The following RHEX variants were observed in gnomAD, a reference collection of about 807,000 sequenced individuals.
RHEX encodes the protein regulator of hemoglobinization and erythroid cell expansion protein.
A neutral mutation model predicts 20.1 loss-of-function variants in RHEX; 18 were observed. That is an observed-to-expected ratio of 0.90 (90% CI 0.62 to 1.33). The LOEUF (loss-of-function observed/expected upper bound fraction) is 1.33. Among genes scored for constraint, RHEX ranks in the 40% most tolerant of loss-of-function variants. The pLI is 0.00. For missense variants in RHEX, 192 were observed against 214.3 expected (o/e 0.90, Z 0.65); for synonymous variants, 87 against 77.1 (o/e 1.13, Z -0.67).
chr1:206,069,975 A>G (rs1434581093), intron 1 of RHEX, among the ~76,000 whole-genome samples: 2 of 152,102 alleles, frequency 1.3e-5, no homozygotes, highest in Non-Finnish European at 2.9e-5. Context: ...ATAACCACAT[A>G]TATGTATAAA....
chr1:206,101,665 T>C, intron 5 of RHEX, 87 bp from the exon 6 acceptor site: 3 of 1,046,080 alleles, frequency 2.9e-6, no homozygotes, highest in Non-Finnish European at 4.3e-6. Flanking sequence ...TGGGCGAATC[T>C]TGTTGAGTAA....
intron 1 of RHEX, among the ~76,000 whole-genome samples, chr1:206,055,229 T>G (rs1287003768): frequency 6.6e-6 from 1 of 152,274 alleles, no homozygotes; most frequent in Admixed American, 6.5e-5. Flanking sequence ...CTCCCAACAC[T>G]AAGTTCACTT....
intron 1 of RHEX, chr1:206,061,503 T>C (rs1662310638): frequency 6.6e-6 from 1 of 152,254 alleles, no homozygotes; most frequent in Non-Finnish European, 1.5e-5. Context: ...GGGGGGCAGA[T>C]CTGGAGGAAA....
In RHEX at chr1:206,094,169, G is replaced by GGGGTGTGTGTGT. The variant is rs1200017719; in HGVS notation, c.-96-3563_-96-3562insGGTGTGTGTGTG. ...TAAATTGCCCATTTCCTGGTTATTT[G>GGGGTGTGTGTGT]GTGTGTGTGTGTGTGTGTGTGTGTG... On this transcript the variant is annotated intron_variant, in intron 1 of 5. Transcript: ENST00000331555. 6.7e-5 allele frequency among the ~76,000 whole-genome samples: 10 copies of GGGGTGTGTGTGT among 148,682 alleles called. No homozygotes were observed. The East Asian group carries it at 2.0e-3, about 30-fold the overall frequency.
At chr1:206,091,091 T>C (rs1002449773) in intron 1 of RHEX, among the ~76,000 whole-genome samples, 3 of 152,250 alleles carry the variant, frequency 2.0e-5, no homozygotes, top group African/African-American at 4.8e-5. Flanking sequence ...CAAAGGCTGA[T>C]GAACTGTTTT....
In RHEX at chr1:206,102,040, G is replaced by A. The variant is rs1469270833; in HGVS notation, c.*88G>A. 2 of 1,086,232 alleles carry A rather than the reference G, an allele frequency of 1.8e-6. No homozygotes were observed. Among genetic ancestry groups the A allele is most frequent in the East Asian group, 4.8e-5 (2 of 41,822 alleles). The allele number at this position is 1,086,232 out of a possible 1,614,324, so 67.3% of individuals were successfully genotyped here. A position where few individuals can be genotyped will look rare whatever the true frequency, so the allele number is the denominator to read the frequency against. On this transcript the variant is annotated 3_prime_UTR_variant, in exon 6 of 6. Coordinates refer to ENST00000331555, the MANE Select transcript of RHEX (RefSeq NM_001007544.4). ...ATGCCATTTTTCCCCCTTAAACAAG[G>A]CATGGGGCTCACAAGTCTATGGAGA...
chr1:206,056,013 C>T (rs951906915), intron 1 of RHEX, among the ~76,000 whole-genome samples: 20 of 152,240 alleles, frequency 1.3e-4, no homozygotes, highest in Non-Finnish European at 2.2e-4. Context: ...TAATAAATAC[C>T]AAAGGACACC....
At chr1:206,080,407 G>A (rs1553285713) in intron 1 of RHEX, 3 of 152,178 alleles carry the variant, frequency 2.0e-5, no homozygotes, top group African/African-American at 4.8e-5. Flanking sequence ...ATCCTACAGA[G>A]AGTAGCTGTG....
chr1:206,084,137 C>A (rs564636298), intron 1 of RHEX, among the ~76,000 whole-genome samples: 2 of 152,220 alleles, frequency 1.3e-5, no homozygotes, highest in East Asian at 3.9e-4. Context: ...CCATAAACAT[C>A]CTATAGGAAT....
At chr1:206,090,460 G>A (rs564528691) in intron 1 of RHEX, among the ~76,000 whole-genome samples, 1 of 151,864 alleles carries the variant, frequency 6.6e-6, no homozygotes, top group African/African-American at 2.4e-5. Flanking sequence ...ACCCTCCTTG[G>A]CCTCCCAAAG....
chr1:206,092,060 CTCTT>C (rs1553287108), intron 1 of RHEX, among the ~76,000 whole-genome samples: 5 of 151,288 alleles, frequency 3.3e-5, no homozygotes, highest in East Asian at 1.9e-4. Context: ...TTCTCTCTCT[CTCTT>C]TCTCTCTCTT....
intron 1 of RHEX, among the ~76,000 whole-genome samples, chr1:206,072,549 C>T (rs1432157686): frequency 6.6e-6 from 1 of 152,074 alleles, no homozygotes; most frequent in Non-Finnish European, 1.5e-5. Context: ...GCACTCCAGC[C>T]TGGGCAACAC....
intron 1 of RHEX, among the ~76,000 whole-genome samples, chr1:206,096,781 G>GTTTTTTTT (rs1212622253): frequency 9.8e-5 from 13 of 132,926 alleles, no homozygotes; most frequent in Non-Finnish European, 1.1e-4. Flanking sequence ...TTTTTTTTTG[G>GTTTTTTTT]TTTTTTTTTT....
At chr1:206,100,784 T>C (rs1553288286) in intron 4 of RHEX, among the ~76,000 whole-genome samples, 3 of 152,224 alleles carry the variant, frequency 2.0e-5, no homozygotes, top group African/African-American at 7.2e-5. Flanking sequence ...TGTCCCAGCA[T>C]GTTCCTCCTG....
intron 4 of RHEX, among the ~76,000 whole-genome samples, chr1:206,100,741 T>G (rs1663169587): frequency 6.6e-6 from 1 of 152,204 alleles, no homozygotes; most frequent in Admixed American, 6.5e-5. Context: ...AGGTGTAACT[T>G]CTGAGGCCAG....
At chr1:206,075,598 C>T (rs1662621912) in intron 1 of RHEX, among the ~76,000 whole-genome samples, 2 of 148,374 alleles carry the variant, frequency 1.3e-5, no homozygotes, top group South Asian at 4.3e-4. Context: ...AATCTGATGC[C>T]AAAGTCTTTT....
intron 1 of RHEX, among the ~76,000 whole-genome samples, chr1:206,073,445 C>T (rs1385323114): frequency 1.3e-5 from 2 of 152,102 alleles, no homozygotes; most frequent in African/African-American, 4.8e-5. Flanking sequence ...TAACTCATAA[C>T]TCTCATTACT....
intron 1 of RHEX, among the ~76,000 whole-genome samples, chr1:206,069,329 G>A (rs1662486388): frequency 6.6e-6 from 1 of 152,186 alleles, no homozygotes; most frequent in Admixed American, 6.5e-5. Context: ...CCATAACACT[G>A]CTGTTGAGAA....
intron 1 of RHEX, among the ~76,000 whole-genome samples, chr1:206,083,283 T>G (rs1402845054): frequency 6.6e-6 from 1 of 152,172 alleles, no homozygotes; most frequent in African/African-American, 2.4e-5. Context: ...AACTCCTCCT[T>G]TAGTGCTCTT....
Sources: gnomAD v4.1 joint callset for allele counts (sites outside exome capture counted in the v4.1 genomes callset) on GRCh38, gnomAD v4.1.1 for gene constraint, MANE v1.5 for transcripts, NCBI Gene and HGNC (gene_info 2026-07-23, HGNC 2026-07-21) for gene names.